Variants in LRP1B observed in about 807,000 individuals in gnomAD.
The protein encoded by LRP1B is low-density lipoprotein receptor-related protein 1B.
In LRP1B, 217 loss-of-function variants were observed where a neutral mutation model predicts 556.6. That is an observed-to-expected ratio of 0.39 (90% CI 0.35 to 0.44). LRP1B has a LOEUF of 0.44. Ranked by LOEUF, LRP1B falls within the 20% of genes least tolerant of loss-of-function variation. The pLI is 1.00. For missense variants in LRP1B, 5,053 were observed against 5,620.8 expected (o/e 0.90, Z 3.23); for synonymous variants, 2,047 against 1,865.8 (o/e 1.10, Z -2.50).
intron 3 of LRP1B, among the ~76,000 whole-genome samples, chr2:141,267,880 G>T (rs1172617311): frequency 6.6e-6 from 1 of 152,118 alleles, no homozygotes; most frequent in Non-Finnish European, 1.5e-5. Context: ...GTTAGCGGAG[G>T]TTTGGCAACA....
rs540565972 is a variant in LRP1B, at chr2:142,019,172, C to T, written c.82+111476G>A. ...GTCCTTTCAAATCTTTTAACTGGTG[C>T]TAACCTTCATTTCATTTTTAATTTT... On this transcript the variant is annotated intron_variant, in intron 1 of 90. Transcript: ENST00000389484. 2.1e-3 allele frequency among the ~76,000 whole-genome samples: 319 copies of T among 152,168 alleles called. 1 individual carries two copies. Among genetic ancestry groups the T allele is most frequent in the Non-Finnish European group, 3.6e-3 (248 of 67,996 alleles).
intron 86 of LRP1B, among the ~76,000 whole-genome samples, chr2:140,248,469 T>G (rs1296208270): frequency 1.3e-5 from 2 of 151,682 alleles, no homozygotes; most frequent in African/African-American, 4.8e-5. Context: ...CAACTTTTGT[T>G]ACATCATAAA....
At position 140,715,722 on chromosome 2, in the gene LRP1B, T is replaced by C. The variant is rs144420292; in HGVS notation, c.6023+251A>G. On this transcript the variant is annotated intron_variant, in intron 37 of 90. Transcript: ENST00000389484. Reference sequence around the variant, plus strand: ...ACAATTCTAAGGAAGAGATTTAAATTGAGAATCTGGAATCATGTTGGTGCC... The same window carrying C: ...ACAATTCTAAGGAAGAGATTTAAATCGAGAATCTGGAATCATGTTGGTGCC... 8.7e-3 allele frequency among the ~76,000 whole-genome samples: 1,325 copies of C among 152,220 alleles called. 6 individuals are homozygous for C. The highest frequency in any genetic ancestry group is 0.013 in the Non-Finnish European group (908 of 67,978).
intron 3 of LRP1B, among the ~76,000 whole-genome samples, chr2:141,326,600 A>C (rs1015539678): frequency 6.6e-6 from 1 of 152,194 alleles, no homozygotes; most frequent in Non-Finnish European, 1.5e-5. Context: ...TCCCCCAGAA[A>C]CATTTGTCAA....
intron 51 of LRP1B, 108 bp from the exon 52 acceptor site, chr2:140,510,164 A>G: frequency 8.1e-7 from 1 of 1,241,256 alleles, no homozygotes; most frequent in Non-Finnish European, 1.1e-6. Context: ...TGTTGCTTAT[A>G]AGGAGGCGAT....
intron 32 of LRP1B, among the ~76,000 whole-genome samples, chr2:140,796,649 G>A (rs1872579): frequency 0.066 from 10,088 of 152,068 alleles, 927 homozygotes; most frequent in African/African-American, 0.2. Context: ...AGAACATTTA[G>A]GTAGATGTAT....
chr2:141,620,183 C>A (rs1271587745), intron 2 of LRP1B, among the ~76,000 whole-genome samples: 1 of 152,296 alleles, frequency 6.6e-6, no homozygotes, highest in East Asian at 1.9e-4. Flanking sequence ...GAACTCATGG[C>A]CTCAAGCAAT....
chr2:141,030,029 C>A (rs890721512), intron 11 of LRP1B, among the ~76,000 whole-genome samples: 3 of 152,046 alleles, frequency 2.0e-5, no homozygotes, highest in African/African-American at 7.2e-5. Flanking sequence ...TGGGGTTCTA[C>A]CTTAAAAGTG....
chr2:140,700,130 T>A, intron 41 of LRP1B, 120 bp downstream of exon 41: 1 of 911,920 alleles, frequency 1.1e-6, no homozygotes, highest in Non-Finnish European at 1.6e-6. Flanking sequence ...ATAGTCACAT[T>A]CATTCCTGAA....
chr2:141,179,746 C>T (rs1056384839), intron 7 of LRP1B, among the ~76,000 whole-genome samples: 1 of 151,850 alleles, frequency 6.6e-6, no homozygotes, highest in African/African-American at 2.4e-5. Context: ...CCCCTTAATC[C>T]TAAAGTCAGG....
At chr2:141,048,964 T>C (rs1698958681) in intron 11 of LRP1B, 22 bp downstream of exon 11, 4 of 1,544,510 alleles carry the variant, frequency 2.6e-6, no homozygotes, top group Admixed American at 1.7e-5. Context: ...TAGTTTGATG[T>C]TAATGTCACA....
At chr2:141,164,254 T>C (rs575213027) in intron 7 of LRP1B, among the ~76,000 whole-genome samples, 1 of 152,160 alleles carries the variant, frequency 6.6e-6, no homozygotes, top group Non-Finnish European at 1.5e-5. Context: ...TTTTTTTTCT[T>C]AATTAGTGTC....
intron 67 of LRP1B, among the ~76,000 whole-genome samples, chr2:140,385,253 C>CAT (rs1204461127): frequency 2.6e-5 from 4 of 151,962 alleles, no homozygotes; most frequent in African/African-American, 4.8e-5. Flanking sequence ...TCAAAAAATA[C>CAT]ATATATATAT....
intron 2 of LRP1B, among the ~76,000 whole-genome samples, chr2:141,723,718 T>A (rs1162557805): frequency 6.6e-6 from 1 of 152,066 alleles, no homozygotes; most frequent in Non-Finnish European, 1.5e-5. Context: ...AAAATTGATA[T>A]AACTCTTCAA....
chr2:141,032,459 T>C (rs556032729), intron 11 of LRP1B, among the ~76,000 whole-genome samples: 3 of 152,148 alleles, frequency 2.0e-5, no homozygotes, highest in Admixed American at 2.0e-4. Flanking sequence ...TTCTCCCCAG[T>C]AGTGTGGGAA....
At chr2:141,398,831 T>C (rs945465407) in intron 3 of LRP1B, among the ~76,000 whole-genome samples, 7 of 152,154 alleles carry the variant, frequency 4.6e-5, no homozygotes, top group Admixed American at 1.3e-4. Context: ...ACAGCTCCAG[T>C]TGGATAGGAG....
chr2:140,813,621 T>C (rs750787693), intron 32 of LRP1B, 36 bp downstream of exon 32: 7 of 1,604,184 alleles, frequency 4.4e-6, no homozygotes, highest in Non-Finnish European at 6.0e-6. Context: ...CCCCAATCAA[T>C]ACAAAGCAAC....
chr2:140,681,293 A>T (rs1207625205), intron 41 of LRP1B, among the ~76,000 whole-genome samples: 1 of 152,246 alleles, frequency 6.6e-6, no homozygotes, highest in Admixed American at 6.5e-5. Flanking sequence ...CAAATGAAAT[A>T]AAGAGAAAAG....
chr2:140,705,004 C>T (rs1289507834), intron 37 of LRP1B, among the ~76,000 whole-genome samples: 1 of 151,984 alleles, frequency 6.6e-6, no homozygotes, highest in Non-Finnish European at 1.5e-5. Flanking sequence ...ATTCTCACAG[C>T]TATGGTAATT....
Sources: gnomAD v4.1 joint callset for allele counts (sites outside exome capture counted in the v4.1 genomes callset) on GRCh38, gnomAD v4.1.1 for gene constraint, MANE v1.5 for transcripts, NCBI Gene and HGNC (gene_info 2026-07-23, HGNC 2026-07-21) for gene names.